DOCK4: variants seen among roughly 807,000 people sequenced by gnomAD.
DOCK4 encodes the protein dedicator of cytokinesis protein 4.
Under a neutral mutation model 268.1 loss-of-function variants are expected in DOCK4, and 97 were observed. The observed-to-expected ratio is 0.36, with a 90% CI of 0.31 to 0.43. The LOEUF is 0.43. Ranked by LOEUF, DOCK4 falls within the 20% of genes least tolerant of loss-of-function variation. The pLI is 1.00. For missense variants in DOCK4, 2,145 were observed against 2,455.7 expected (o/e 0.87, Z 2.67); for synonymous variants, 954 against 887.2 (o/e 1.08, Z -1.34).
At chr7:111,734,976 C>G in intron 51 of DOCK4, 78 bp downstream of exon 51, 1 of 1,169,310 alleles carries the variant, frequency 8.6e-7, no homozygotes, top group Non-Finnish European at 1.2e-6. Context: ...ACCTTTCTCT[C>G]AGGAATTCAG....
At chr7:111,775,416 C>G (rs1324682587) in intron 36 of DOCK4, among the ~76,000 whole-genome samples, 1 of 152,204 alleles carries the variant, frequency 6.6e-6, no homozygotes, top group Non-Finnish European at 1.5e-5. Context: ...TCCACCCTAT[C>G]TCTCCCACTG....
intron 25 of DOCK4, among the ~76,000 whole-genome samples, chr7:111,839,082 G>C (rs1007540475): frequency 6.6e-6 from 1 of 152,190 alleles, no homozygotes; most frequent in Non-Finnish European, 1.5e-5. Context: ...AGAATTGTGA[G>C]ACTGGGATGT....
At chr7:111,919,875 T>C (rs1458373622) in intron 12 of DOCK4, among the ~76,000 whole-genome samples, 1 of 152,172 alleles carries the variant, frequency 6.6e-6, no homozygotes, top group African/African-American at 2.4e-5. Context: ...AAAGAGCCAT[T>C]GCAATTCCAT....
chr7:111,863,477 T>C lies in DOCK4; in HGVS notation c.2368A>G (p.Thr790Ala), dbSNP rs758092372. The C allele has an allele frequency of 1.2e-5, 19 of 1,613,824 alleles. No homozygotes were observed. Among genetic ancestry groups the C allele is most frequent in the Non-Finnish European group, 1.6e-5 (19 of 1,179,874 alleles). ...VREVANLVQDTLGSLPTILHV... is the reference protein window; with the variant it reads ...VREVANLVQDALGSLPTILHV... ...AGGATGGTCGGCAGACTGCCCAGGG[T>C]GTCCTGGACCAAGTTGGCTACTTCC... The change falls in exon 23 of 53, where the codon ACC (threonine) becomes GCC (alanine). Residue 790 changes from threonine to alanine, a missense_variant. By Grantham distance (58) the Thr-to-Ala change is moderately conservative. Around this residue, in one of 2 missense-constraint regions of DOCK4, gnomAD observed 1,598 missense variants for 1,986.7 expected, o/e 0.80. Coordinates refer to ENST00000428084, the MANE Select transcript of DOCK4 (RefSeq NM_001363540.2).
intron 32 of DOCK4, chr7:111,788,379 G>T: frequency 2.8e-6 from 1 of 362,622 alleles, no homozygotes; most frequent in East Asian, 4.4e-5. Flanking sequence ...TGCAGGAATG[G>T]TTTTAAAATT....
intron 1 of DOCK4, among the ~76,000 whole-genome samples, chr7:112,200,882 A>C (rs1820877099): frequency 6.6e-6 from 1 of 152,142 alleles, no homozygotes; most frequent in South Asian, 2.1e-4. Flanking sequence ...CAAGAACATA[A>C]GCTGCTATCC....
At chr7:112,146,687 G>A (rs1005074059) in intron 1 of DOCK4, among the ~76,000 whole-genome samples, 4 of 152,134 alleles carry the variant, frequency 2.6e-5, no homozygotes, top group African/African-American at 9.7e-5. Flanking sequence ...GAGCCCTGAT[G>A]GCACCACTGC....
intron 12 of DOCK4, among the ~76,000 whole-genome samples, chr7:111,933,883 G>A (rs1027262920): frequency 6.6e-6 from 1 of 152,142 alleles, no homozygotes; most frequent in African/African-American, 2.4e-5. Context: ...TGAGTTGGAG[G>A]TACTTATGGC....
chr7:111,778,194 C>A, intron 36 of DOCK4, 82 bp downstream of exon 36: 1 of 918,784 alleles, frequency 1.1e-6, no homozygotes, highest in Middle Eastern at 2.4e-4. Context: ...TGAGTCTTTC[C>A]ACTCTAATTA....
At chr7:112,083,517 G>A (rs1176830296) in intron 1 of DOCK4, among the ~76,000 whole-genome samples, 3 of 151,674 alleles carry the variant, frequency 2.0e-5, no homozygotes, top group Non-Finnish European at 4.4e-5. Flanking sequence ...TCAAATTTCT[G>A]GCAACATCTC....
At chr7:111,847,579 G>A (rs1367423953) in intron 23 of DOCK4, among the ~76,000 whole-genome samples, 3 of 152,136 alleles carry the variant, frequency 2.0e-5, no homozygotes, top group African/African-American at 4.8e-5. Context: ...GACTTGGTGG[G>A]AGATAATTGA....
intron 4 of DOCK4, among the ~76,000 whole-genome samples, chr7:111,995,036 GT>G (rs111944716): frequency 6.6e-4 from 80 of 121,836 alleles, no homozygotes; most frequent in Admixed American, 1.8e-3. Context: ...GAAGTTTTGT[GT>G]TTTTTTTTTT....
At chr7:111,774,217 C>T (rs1238131884) in intron 36 of DOCK4, among the ~76,000 whole-genome samples, 1 of 152,146 alleles carries the variant, frequency 6.6e-6, no homozygotes, top group African/African-American at 2.4e-5. Context: ...ATAATCCCAG[C>T]ACTTTCGGAG....
At chr7:112,187,618 G>A (rs185804986) in intron 1 of DOCK4, among the ~76,000 whole-genome samples, 110 of 152,226 alleles carry the variant, frequency 7.2e-4, no homozygotes, top group African/African-American at 1.9e-3. Context: ...GTGCTTTTGC[G>A]CTCAGAAGCC....
intron 1 of DOCK4, among the ~76,000 whole-genome samples, chr7:112,069,146 G>A (rs920010598): frequency 6.6e-6 from 1 of 152,212 alleles, no homozygotes; most frequent in African/African-American, 2.4e-5. Flanking sequence ...CTGCCAGACA[G>A]TGATGGCTTG....
chr7:111,780,176 C>A (rs866007737), intron 35 of DOCK4, among the ~76,000 whole-genome samples: 57 of 152,284 alleles, frequency 3.7e-4, no homozygotes, highest in African/African-American at 1.2e-3. Flanking sequence ...GTACTTTCCG[C>A]CCATTACCTA....
chr7:111,853,067 A>G (rs1804709301), intron 23 of DOCK4, among the ~76,000 whole-genome samples: 1 of 152,114 alleles, frequency 6.6e-6, no homozygotes, highest in Non-Finnish European at 1.5e-5. Flanking sequence ...TTTGGTCTAC[A>G]CTTGAGTGGA....
chr7:111,835,064 A>G (rs1405903474), intron 25 of DOCK4, among the ~76,000 whole-genome samples: 1 of 152,202 alleles, frequency 6.6e-6, no homozygotes, highest in East Asian at 1.9e-4. Context: ...CTTCATATCA[A>G]CACTATGAGG....
intron 23 of DOCK4, among the ~76,000 whole-genome samples, chr7:111,848,002 ATTAT>A (rs1249064948): frequency 6.6e-6 from 1 of 152,144 alleles, no homozygotes; most frequent in East Asian, 1.9e-4. Flanking sequence ...CTTTTGGGAA[ATTAT>A]CCCTGGTAAT....
Sources: gnomAD v4.1 joint callset for allele counts (sites outside exome capture counted in the v4.1 genomes callset) on GRCh38, gnomAD v4.1.1 for gene constraint, gnomAD v4.1.1 regional missense constraint, MANE v1.5 for transcripts, NCBI Gene and HGNC (gene_info 2026-07-23, HGNC 2026-07-21) for gene names.